ZBTB44: variants seen among roughly 807,000 people sequenced by gnomAD.
The protein encoded by ZBTB44 is zinc finger and BTB domain containing 44, also known as zinc finger and BTB domain-containing protein 44.
A neutral mutation model predicts 54.0 loss-of-function variants in ZBTB44; 15 were observed. The ratio of observed to expected loss-of-function variants is 0.28; its 90% CI spans 0.19 to 0.43. The LOEUF (loss-of-function observed/expected upper bound fraction) is 0.43. Ranked by LOEUF, ZBTB44 falls within the 20% of genes least tolerant of loss-of-function variation. ZBTB44 has a pLI of 1.00. For synonymous variants in ZBTB44, 230 were observed against 250.1 expected (o/e 0.92, Z 0.76); for missense variants, 487 against 707.1 (o/e 0.69, Z 3.53).
chr11:130,246,507 T>A (rs1954655581), intron 2 of ZBTB44, among the ~76,000 whole-genome samples: 2 of 152,144 alleles, frequency 1.3e-5, no homozygotes, highest in Admixed American at 6.5e-5. Context: ...GGCTAGCTTA[T>A]CAAGACAGAG....
At chr11:130,235,060 G>C (rs1005672652) in intron 5 of ZBTB44, among the ~76,000 whole-genome samples, 2 of 152,098 alleles carry the variant, frequency 1.3e-5, no homozygotes, top group Non-Finnish European at 2.9e-5. Flanking sequence ...TGTGAAATAA[G>C]TCTTATCTTA....
At chr11:130,290,975 C>CCCTA (rs1422137118) in intron 1 of ZBTB44, among the ~76,000 whole-genome samples, 1 of 152,172 alleles carries the variant, frequency 6.6e-6, no homozygotes, top group East Asian at 1.9e-4. Context: ...GAACTCTTTG[C>CCCTA]CCTAAACTGC....
chr11:130,274,820 T>A lies in ZBTB44; in HGVS notation c.-56-12891A>T, dbSNP rs115167351. Among the ~76,000 whole-genome samples the A allele has an allele frequency of 6.1e-3, 930 of 152,298 alleles. 10 individuals are homozygous for A. Among genetic ancestry groups the A allele is most frequent in the African/African-American group, 0.021 (875 of 41,550 alleles). On this transcript the variant is annotated intron_variant, in intron 1 of 7. Transcript: ENST00000357899. ...TCATAAGAGATATTGGTCTGGAGTT[T>A]TCTTGTGACGTCTTTGTCTGGCTTT...
At chr11:130,279,785 A>G (rs1940377474) in intron 1 of ZBTB44, among the ~76,000 whole-genome samples, 1 of 152,166 alleles carries the variant, frequency 6.6e-6, no homozygotes, top group Admixed American at 6.5e-5. Flanking sequence ...GGTCTTTTCT[A>G]TAGTCCTCTC....
At chr11:130,286,164 CAA>C (rs1565677317) in intron 1 of ZBTB44, among the ~76,000 whole-genome samples, 1 of 152,012 alleles carries the variant, frequency 6.6e-6, no homozygotes, top group Non-Finnish European at 1.5e-5. Flanking sequence ...AATTCTGTAA[CAA>C]AGTGATCTTT....
intron 3 of ZBTB44, chr11:130,239,434 C>T: frequency 4.8e-6 from 1 of 210,484 alleles, no homozygotes; most frequent in South Asian, 7.4e-5. Context: ...ACTTTGCACA[C>T]CATACAGTCT....
intron 1 of ZBTB44, among the ~76,000 whole-genome samples, chr11:130,304,978 C>T (rs1438739346): frequency 6.6e-6 from 1 of 152,086 alleles, no homozygotes; most frequent in Admixed American, 6.5e-5. Flanking sequence ...AGCCGAGAAT[C>T]AAATCAAGAA....
intron 1 of ZBTB44, among the ~76,000 whole-genome samples, chr11:130,276,082 C>T (rs900865919): frequency 8.6e-5 from 13 of 151,378 alleles, no homozygotes; most frequent in African/African-American, 3.1e-4. Context: ...AAAAATTAAC[C>T]AGGCATGGTG....
intron 1 of ZBTB44, among the ~76,000 whole-genome samples, chr11:130,283,035 C>CTTTTTTTTTTT (rs531030883): frequency 9.8e-6 from 1 of 102,384 alleles, no homozygotes; most frequent in Admixed American, 1.2e-4. Context: ...CCATTCTAAC[C>CTTTTTTTTTTT]TTTTTTTTTT....
chr11:130,310,776 T>C (rs556292683), intron 1 of ZBTB44, among the ~76,000 whole-genome samples: 2 of 152,152 alleles, frequency 1.3e-5, no homozygotes, highest in Non-Finnish European at 2.9e-5. Flanking sequence ...GGAGTCCCGC[T>C]TTGTCACCCA....
chr11:130,279,962 G>A (rs891125503), intron 1 of ZBTB44, among the ~76,000 whole-genome samples: 1 of 152,164 alleles, frequency 6.6e-6, no homozygotes, highest in African/African-American at 2.4e-5. Flanking sequence ...GGAAATAATT[G>A]CAAGATTCTC....
chr11:130,287,977 AAAAG>A (rs1555174574), intron 1 of ZBTB44, among the ~76,000 whole-genome samples: 71 of 152,056 alleles, frequency 4.7e-4, no homozygotes, highest in African/African-American at 1.7e-3. Context: ...AAAAAAAAAA[AAAAG>A]AAAGAAAAAG....
rs1434265523 is a variant in ZBTB44 at position 130,231,097 on chromosome 11, TG to T, written c.*666del. ...AGTTACACTGGTAATTTCTAATGAATGGGATAATATAACTGGCTATCTCTTT... is the reference window on the plus strand; with the variant it reads ...AGTTACACTGGTAATTTCTAATGAATGGATAATATAACTGGCTATCTCTTT... On this transcript the variant is annotated 3_prime_UTR_variant, in exon 8 of 8. Transcript: ENST00000357899. 2 of 152,242 alleles carry T rather than the reference TG, an allele frequency of 1.3e-5. No individual in the cohort carries two copies. Among genetic ancestry groups the T allele is most frequent in the South Asian group, 2.1e-4 (1 of 4,822 alleles). The allele number at this position is 152,242 out of a possible 1,614,324, so 9.4% of individuals were successfully genotyped here.
intron 5 of ZBTB44, among the ~76,000 whole-genome samples, chr11:130,235,787 A>AG (rs552762811): frequency 5.3e-5 from 8 of 152,150 alleles, no homozygotes; most frequent in Non-Finnish European, 1.2e-4. Context: ...GGATCACTTG[A>AG]GGTCAGGGGT....
At chr11:130,258,043 C>T (rs1283581361) in intron 2 of ZBTB44, among the ~76,000 whole-genome samples, 3 of 152,266 alleles carry the variant, frequency 2.0e-5, no homozygotes, top group African/African-American at 7.2e-5. Context: ...CACCACCTTC[C>T]ACTGATTTTC....
intron 1 of ZBTB44, among the ~76,000 whole-genome samples, chr11:130,264,132 A>G (rs1472142692): frequency 1.3e-5 from 2 of 152,220 alleles, no homozygotes; most frequent in African/African-American, 4.8e-5. Flanking sequence ...ATTCAGTGGT[A>G]TAAGAAATAT....
intron 1 of ZBTB44, among the ~76,000 whole-genome samples, chr11:130,298,945 T>G (rs751026787): frequency 1.3e-4 from 20 of 151,962 alleles, no homozygotes; most frequent in Non-Finnish European, 2.8e-4. Context: ...TAGCCACACA[T>G]AGTGGCATGC....
intron 5 of ZBTB44, among the ~76,000 whole-genome samples, chr11:130,234,555 T>C (rs1954022637): frequency 6.6e-6 from 1 of 152,220 alleles, no homozygotes; most frequent in East Asian, 1.9e-4. Context: ...TTTCTTGTTC[T>C]ATGTAGAGGA....
intron 5 of ZBTB44, chr11:130,236,581 AC>A (rs1408355670): frequency 4.5e-6 from 2 of 441,676 alleles, no homozygotes. Flanking sequence ...TATTTTTAAT[AC>A]CAACTATAAA....
Sources: allele counts gnomAD v4.1 joint callset (sites outside exome capture counted in the v4.1 genomes callset), GRCh38; gene constraint gnomAD v4.1.1; transcripts MANE v1.5; gene names NCBI Gene and HGNC (gene_info 2026-07-23, HGNC 2026-07-21).